Variants in CPNE4 observed in about 807,000 individuals in gnomAD.
CPNE4 encodes the protein copine-4.
Under a neutral mutation model 67.9 loss-of-function variants are expected in CPNE4, and 25 were observed. That is an observed-to-expected ratio of 0.37 (90% CI 0.27 to 0.51). The LOEUF (loss-of-function observed/expected upper bound fraction) is 0.51, where lower values mean the gene tolerates loss of function less well. Ranked by LOEUF, CPNE4 falls within the 20% of genes least tolerant of loss-of-function variation. CPNE4 has a pLI of 0.93. For missense variants in CPNE4, 464 were observed against 690.8 expected (o/e 0.67, Z 3.68); for synonymous variants, 242 against 244.9 (o/e 0.99, Z 0.11).
At chr3:132,019,508 A>C (rs2073949697) in intron 1 of CPNE4, among the ~76,000 whole-genome samples, 2 of 152,110 alleles carry the variant, frequency 1.3e-5, no homozygotes, top group African/African-American at 4.8e-5. Context: ...GATGACATAT[A>C]TTATTGAGAC....
chr3:131,965,954 T>C (rs56384602), intron 1 of CPNE4, among the ~76,000 whole-genome samples: 18,694 of 152,078 alleles, frequency 0.12, 3,779 homozygotes, highest in African/African-American at 0.42. Flanking sequence ...TATTCTAAAA[T>C]TGACCACATA....
chr3:131,847,394 G>T (rs1450380222), intron 2 of CPNE4, among the ~76,000 whole-genome samples: 1 of 152,150 alleles, frequency 6.6e-6, no homozygotes, highest in Non-Finnish European at 1.5e-5. Flanking sequence ...GGAAACTAAT[G>T]TTCTGAATAA....
intron 2 of CPNE4, among the ~76,000 whole-genome samples, chr3:131,862,947 G>C (rs1268490077): frequency 1.3e-5 from 2 of 150,596 alleles, no homozygotes; most frequent in Non-Finnish European, 3.0e-5. Context: ...CTATGAGTGA[G>C]AACATGCGGT....
chr3:131,789,111 G>A (rs2083645597), intron 2 of CPNE4, among the ~76,000 whole-genome samples: 1 of 151,816 alleles, frequency 6.6e-6, no homozygotes, highest in South Asian at 2.1e-4. Context: ...ACCTGGTCCT[G>A]GGTGTTTACC....
intron 2 of CPNE4, among the ~76,000 whole-genome samples, chr3:131,878,141 T>A (rs1266553546): frequency 1.3e-5 from 2 of 152,190 alleles, no homozygotes; most frequent in Non-Finnish European, 2.9e-5. Flanking sequence ...AAGAAATGTA[T>A]CCATATGCTC....
intron 2 of CPNE4, among the ~76,000 whole-genome samples, chr3:131,832,467 C>G (rs2107998177): frequency 6.6e-6 from 1 of 152,288 alleles, no homozygotes; most frequent in Admixed American, 6.5e-5. Context: ...CAGGCAGTCT[C>G]CTGGTGACAC....
At chr3:131,951,307 A>G (rs962100194) in intron 1 of CPNE4, among the ~76,000 whole-genome samples, 3 of 152,108 alleles carry the variant, frequency 2.0e-5, no homozygotes, top group Non-Finnish European at 4.4e-5. Context: ...TACTGTTGAC[A>G]TAGGGTTCAC....
intron 1 of CPNE4, among the ~76,000 whole-genome samples, chr3:131,919,513 G>C (rs376619504): frequency 1.3e-5 from 2 of 152,274 alleles, no homozygotes; most frequent in Admixed American, 1.3e-4. Flanking sequence ...AATGATAAAG[G>C]CAGAACAATG....
chr3:131,660,736 A>G (rs1036909966), intron 7 of CPNE4, among the ~76,000 whole-genome samples: 9 of 152,196 alleles, frequency 5.9e-5, no homozygotes, highest in Non-Finnish European at 1.3e-4. Flanking sequence ...GAGGATAATA[A>G]GAGTGTCTCC....
intron 3 of CPNE4, among the ~76,000 whole-genome samples, chr3:131,708,395 T>C (rs1225320804): frequency 6.6e-6 from 1 of 152,140 alleles, no homozygotes; most frequent in Non-Finnish European, 1.5e-5. Context: ...GGAATTAATA[T>C]CTAGAGAATG....
At chr3:131,565,616 G>C (rs72999203) in intron 10 of CPNE4, among the ~76,000 whole-genome samples, 136 of 152,030 alleles carry the variant, frequency 8.9e-4, no homozygotes, top group African/African-American at 2.7e-3. Context: ...AAAGCAATAG[G>C]CTAACATTAA....
chr3:131,565,476 A>G (rs1364489734), intron 10 of CPNE4, among the ~76,000 whole-genome samples: 1 of 152,056 alleles, frequency 6.6e-6, no homozygotes, highest in Non-Finnish European at 1.5e-5. Flanking sequence ...GTGCAACATT[A>G]TTTCTGAAAG....
intron 7 of CPNE4, among the ~76,000 whole-genome samples, chr3:131,659,710 G>T (rs952615897): frequency 4.6e-5 from 7 of 152,130 alleles, no homozygotes; most frequent in Admixed American, 1.3e-4. Flanking sequence ...CCCTCATAAT[G>T]GTTGGGCAAG....
intron 2 of CPNE4, among the ~76,000 whole-genome samples, chr3:131,850,168 C>T (rs1213213109): frequency 6.6e-6 from 1 of 151,902 alleles, no homozygotes; most frequent in African/African-American, 2.4e-5. Context: ...TGCCAATATC[C>T]AGAATTTTTC....
chr3:131,574,943 A>G (rs1461243071), intron 10 of CPNE4, 128 bp downstream of exon 10: 9 of 735,304 alleles, frequency 1.2e-5, no homozygotes, highest in East Asian at 1.1e-4. Context: ...CGCTTCAACA[A>G]TGAGACTTGA....
At chr3:131,943,668 G>C (rs1053974679) in intron 1 of CPNE4, among the ~76,000 whole-genome samples, 14 of 151,958 alleles carry the variant, frequency 9.2e-5, no homozygotes, top group African/African-American at 2.9e-4. Flanking sequence ...CCAGCCTCTA[G>C]TCCTTCTCCT....
At chr3:131,721,205 T>A (rs2081874057) in intron 3 of CPNE4, among the ~76,000 whole-genome samples, 1 of 152,140 alleles carries the variant, frequency 6.6e-6, no homozygotes, top group South Asian at 2.1e-4. Flanking sequence ...CACCACAGTG[T>A]CACTGGCACC....
At chr3:131,694,095 C>T (rs2081093827) in intron 5 of CPNE4, among the ~76,000 whole-genome samples, 1 of 152,174 alleles carries the variant, frequency 6.6e-6, no homozygotes, top group Non-Finnish European at 1.5e-5. Flanking sequence ...CATCCTACAA[C>T]CACCGTCTGA....
At chr3:131,978,114 A>ATATATAAATATATATATT (rs1214523789) in intron 1 of CPNE4, among the ~76,000 whole-genome samples, 1 of 59,692 alleles carries the variant, frequency 1.7e-5, no homozygotes, top group Non-Finnish European at 2.7e-5. Flanking sequence ...TATATAAAAT[A>ATATATAAATATATATATT]TATATAAATA....
Sources: gnomAD v4.1 joint callset for allele counts (sites outside exome capture counted in the v4.1 genomes callset) on GRCh38, gnomAD v4.1.1 for gene constraint, MANE v1.5 for transcripts, NCBI Gene and HGNC (gene_info 2026-07-23, HGNC 2026-07-21) for gene names.